Variants in RB1 observed in about 807,000 individuals in gnomAD.
RB1 encodes the protein RB transcriptional corepressor 1.
RB1 carries 18 observed loss-of-function variants against 135.4 expected under a neutral mutation model. The observed-to-expected ratio is 0.13, with a 90% CI of 0.09 to 0.20. RB1 has a LOEUF of 0.20. Among genes scored for constraint, RB1 ranks in the 10% least tolerant of loss-of-function variants. RB1 has a pLI of 1.00. For synonymous variants in RB1, 365 were observed against 373.2 expected (o/e 0.98, Z 0.25); for missense variants, 868 against 1,110.0 (o/e 0.78, Z 3.10).
chr13:48,396,883 CAT>C (rs1227023235), intron 17 of RB1, among the ~76,000 whole-genome samples: 4 of 152,016 alleles, frequency 2.6e-5, no homozygotes, highest in African/African-American at 4.8e-5. Context: ...GGCCAACAAA[CAT>C]ATGAAAAAAA....
At chr13:48,316,915 C>A in intron 2 of RB1, 3 of 365,256 alleles carry the variant, frequency 8.2e-6, no homozygotes, top group South Asian at 7.3e-5. Context: ...TCGCTGAAGT[C>A]ACTGGCGTCA....
chr13:48,379,451 A>G, intron 13 of RB1, 143 bp from the exon 14 acceptor site: 1 of 1,105,006 alleles, frequency 9.0e-7, no homozygotes, highest in Non-Finnish European at 1.3e-6. Context: ...TTGGGAGGCC[A>G]AAGCAGGAGG....
At chr13:48,338,200 TA>T (rs1411553814) in intron 2 of RB1, among the ~76,000 whole-genome samples, 1 of 152,176 alleles carries the variant, frequency 6.6e-6, no homozygotes, top group Non-Finnish European at 1.5e-5. Context: ...GCATTCTCTG[TA>T]TTTCCTGAAT....
intron 17 of RB1, among the ~76,000 whole-genome samples, chr13:48,432,922 T>C (rs1949145115): frequency 6.6e-6 from 1 of 152,182 alleles, no homozygotes; most frequent in East Asian, 1.9e-4. Flanking sequence ...CCAGATTTAA[T>C]TTCAGTCTTT....
intron 17 of RB1, among the ~76,000 whole-genome samples, chr13:48,431,194 T>C (rs1949126254): frequency 1.3e-5 from 2 of 152,178 alleles, no homozygotes; most frequent in South Asian, 2.1e-4. Flanking sequence ...AACAAGCATA[T>C]CATTTTGTCC....
At chr13:48,420,165 G>A (rs911708508) in intron 17 of RB1, among the ~76,000 whole-genome samples, 1 of 152,134 alleles carries the variant, frequency 6.6e-6, no homozygotes. Flanking sequence ...TGAATCCATA[G>A]CACATCAAAA....
intron 17 of RB1, among the ~76,000 whole-genome samples, chr13:48,430,765 CAAAAAAAAA>C (rs58163880): frequency 6.7e-6 from 1 of 149,958 alleles, no homozygotes; most frequent in Non-Finnish European, 1.5e-5. Flanking sequence ...AACAAACAAA[CAAAAAAAAA>C]AAACAGTAGA....
intron 6 of RB1, among the ~76,000 whole-genome samples, chr13:48,359,039 G>A (rs963751671): frequency 3.3e-5 from 5 of 152,080 alleles, no homozygotes; most frequent in African/African-American, 7.2e-5. Context: ...CACATCCAGT[G>A]TTTGCTGAGA....
chr13:48,341,682 T>A (rs141865571), intron 2 of RB1, among the ~76,000 whole-genome samples: 1,705 of 152,028 alleles, frequency 0.011, 32 homozygotes, highest in African/African-American at 0.039. Context: ...AAGTTTAGAG[T>A]TGGATGGTGG....
chr13:48,340,793 G>A (rs1166880044), intron 2 of RB1: 1 of 158,364 alleles, frequency 6.3e-6, no homozygotes, highest in Non-Finnish European at 1.4e-5. Context: ...CACAAATACA[G>A]AAGTTGATTT....
intron 21 of RB1, among the ~76,000 whole-genome samples, chr13:48,464,525 T>C (rs1460421885): frequency 6.6e-6 from 1 of 152,238 alleles, no homozygotes; most frequent in East Asian, 1.9e-4. Context: ...ACTAAATGTC[T>C]ACTTCTTGCA....
chr13:48,320,472 C>T, intron 2 of RB1: 1 of 805,556 alleles, frequency 1.2e-6, no homozygotes, highest in Non-Finnish European at 2.0e-6. Context: ...TCCTGAGAAA[C>T]ATTCTAGCAG....
intron 17 of RB1, among the ~76,000 whole-genome samples, chr13:48,439,240 C>T (rs746269373): frequency 3.3e-5 from 5 of 151,922 alleles, no homozygotes; most frequent in Non-Finnish European, 5.9e-5. Context: ...ACTTTATGGA[C>T]GTATTTTGAA....
intron 3 of RB1, among the ~76,000 whole-genome samples, chr13:48,344,843 G>C (rs567724996): frequency 1.3e-5 from 2 of 152,212 alleles, no homozygotes; most frequent in Non-Finnish European, 2.9e-5. Context: ...ATCTCTTCTT[G>C]ACCCTTCGTT....
chr13:48,377,162 C>A, intron 13 of RB1, 128 bp downstream of exon 13: 1 of 970,802 alleles, frequency 1.0e-6, no homozygotes, highest in Non-Finnish European at 1.6e-6. Flanking sequence ...ATACTATATC[C>A]CTGCTGCCTG....
chr13:48,320,165 T>G, intron 2 of RB1: 1 of 825,826 alleles, frequency 1.2e-6, no homozygotes, highest in African/African-American at 1.7e-5. Context: ...TCCTCCCTCA[T>G]GGGGTCAAAG....
chr13:48,340,362 A>T (rs1952431437), intron 2 of RB1, among the ~76,000 whole-genome samples: 1 of 152,194 alleles, frequency 6.6e-6, no homozygotes, highest in Non-Finnish European at 1.5e-5. Flanking sequence ...TGCATCTGAA[A>T]TAAAGGTTAC....
rs2138116543 is a variant in RB1 at position 48,364,943 on chromosome 13, G to A, written c.911G>A (p.Gly304Glu). 6.4e-7 allele frequency: 1 copy of A among 1,571,128 alleles called. No individual in the cohort carries two copies. Among genetic ancestry groups the A allele is most frequent in the Non-Finnish European group, 8.7e-7 (1 of 1,154,100 alleles). Residue 304 changes from glycine (G) to glutamate (E), a missense_variant, in exon 9 of 27, where the codon GGA becomes GAA. Gly to Glu is a moderately conservative substitution (Grantham distance 98). Coordinates refer to ENST00000267163, the MANE Select transcript of RB1 (RefSeq NM_000321.3). ...KNFIPFMNSLGLVTSNGLPEV... is the reference protein window; with the variant it reads ...KNFIPFMNSLELVTSNGLPEV... The stretch of plus-strand genomic sequence containing the variant: ...TTTATACCTTTTATGAATTCTCTTG[G>A]ACTTGTAACATCTAATGGACTTCCA...
chr13:48,342,000 A>G (rs1375035748), intron 2 of RB1, among the ~76,000 whole-genome samples: 1 of 152,040 alleles, frequency 6.6e-6, no homozygotes, highest in Non-Finnish European at 1.5e-5. Context: ...AATGATAGCC[A>G]TCAATCATTA....
Sources: gnomAD v4.1 joint callset for allele counts (sites outside exome capture counted in the v4.1 genomes callset) on GRCh38, gnomAD v4.1.1 for gene constraint, MANE v1.5 for transcripts, NCBI Gene and HGNC (gene_info 2026-07-23, HGNC 2026-07-21) for gene names.